The following AOAH variants were observed in gnomAD, a reference collection of about 807,000 sequenced individuals.
The protein encoded by AOAH is acyloxyacyl hydrolase.
In AOAH, 64 loss-of-function variants were observed where a neutral mutation model predicts 92.2. The observed-to-expected ratio is 0.69, with a 90% confidence interval of 0.57 to 0.86. The LOEUF (loss-of-function observed/expected upper bound fraction) is 0.86, where lower values mean the gene tolerates loss of function less well. AOAH is among the 40% of genes least tolerant of loss of function. The probability of loss-of-function intolerance (pLI) is 0.00; values close to 1 mark genes in which losing one functional copy is unlikely to be tolerated. For synonymous variants in AOAH, 263 were observed against 254.5 expected, an observed-to-expected ratio of 1.03 and a Z score of -0.32; for missense variants, 656 against 694.6, an observed-to-expected ratio of 0.94 and a Z score of 0.62.
intron 11 of AOAH, among the ~76,000 whole-genome samples, chr7:36,611,185 T>C (rs1791427275): frequency 6.6e-6 from 1 of 152,152 alleles, no homozygotes; most frequent in African/African-American, 2.4e-5. Flanking sequence ...GGAATGTTAA[T>C]CTAGAGAGAT....
intron 13 of AOAH, among the ~76,000 whole-genome samples, chr7:36,553,162 T>C (rs1786410780): frequency 3.0e-5 from 4 of 135,338 alleles, no homozygotes; most frequent in African/African-American, 1.1e-4. Context: ...ATGTTTCCCT[T>C]CCTGTGTCCA....
intron 11 of AOAH, among the ~76,000 whole-genome samples, chr7:36,603,124 G>A (rs1790726406): frequency 6.6e-6 from 1 of 152,104 alleles, no homozygotes; most frequent in South Asian, 2.1e-4. Context: ...TTGTGGTGGG[G>A]CCCTAGTATC....
At chr7:36,532,804 A>G (rs1317836500) in intron 16 of AOAH, among the ~76,000 whole-genome samples, 1 of 152,164 alleles carries the variant, frequency 6.6e-6, no homozygotes, top group Non-Finnish European at 1.5e-5. Context: ...TGAAACGCTC[A>G]GGTCTGACCG....
intron 15 of AOAH, among the ~76,000 whole-genome samples, chr7:36,540,975 T>C (rs1397639378): frequency 1.3e-5 from 2 of 152,268 alleles, no homozygotes; most frequent in Non-Finnish European, 2.9e-5. Context: ...TGGCCTGACT[T>C]ACACACAGTT....
At chr7:36,601,160 A>G (rs1790552671) in intron 11 of AOAH, among the ~76,000 whole-genome samples, 1 of 152,200 alleles carries the variant, frequency 6.6e-6, no homozygotes, top group African/African-American at 2.4e-5. Flanking sequence ...TGCCTCTGTC[A>G]TCTCAGGCTT....
At chr7:36,626,558 C>T (rs192535817) in intron 6 of AOAH, among the ~76,000 whole-genome samples, 109 of 152,272 alleles carry the variant, frequency 7.2e-4, no homozygotes, top group African/African-American at 2.5e-3. Flanking sequence ...GCAACAACTT[C>T]ATTTGGTAGC....
At chr7:36,639,263 C>T (rs1793732410) in intron 4 of AOAH, among the ~76,000 whole-genome samples, 3 of 152,186 alleles carry the variant, frequency 2.0e-5, no homozygotes, top group Admixed American at 2.0e-4. Context: ...GTCAGTGTAA[C>T]AGACACCAGA....
At chr7:36,714,065 T>C (rs934504139) in intron 1 of AOAH, among the ~76,000 whole-genome samples, 6 of 151,760 alleles carry the variant, frequency 4.0e-5, no homozygotes, top group African/African-American at 1.2e-4. Context: ...ATCAACAAAA[T>C]TGATAGACCG....
At chr7:36,719,943 A>G (rs1331484739) in intron 1 of AOAH, among the ~76,000 whole-genome samples, 2 of 151,800 alleles carry the variant, frequency 1.3e-5, no homozygotes, top group African/African-American at 4.8e-5. Context: ...CTTTATTAAA[A>G]AAAAAAAAAA....
chr7:36,517,938 CA>C (rs376291258), intron 20 of AOAH, among the ~76,000 whole-genome samples: 17,305 of 66,990 alleles, frequency 0.26, 1,587 homozygotes, highest in African/African-American at 0.42. Flanking sequence ...CACCCACACA[CA>C]CACACCCACA....
intron 1 of AOAH, among the ~76,000 whole-genome samples, chr7:36,719,222 A>AT (rs1799462882): frequency 6.6e-6 from 1 of 152,202 alleles, no homozygotes; most frequent in Admixed American, 6.5e-5. Context: ...TGTCCAATAA[A>AT]TGTTGGCAAT....
intron 20 of AOAH, chr7:36,514,536 G>C: frequency 6.5e-7 from 1 of 1,535,960 alleles, no homozygotes; most frequent in Non-Finnish European, 8.7e-7. Context: ...GTCCATTCTT[G>C]GTTGTCCAGT....
chr7:36,685,221 G>A (rs1481288158), intron 2 of AOAH, among the ~76,000 whole-genome samples: 1 of 151,954 alleles, frequency 6.6e-6, no homozygotes, highest in Non-Finnish European at 1.5e-5. Flanking sequence ...AGGAAGGGGT[G>A]GAAAGGAAAC....
At chr7:36,514,459 G>T in intron 20 of AOAH, 1 of 1,525,826 alleles carries the variant, frequency 6.6e-7, no homozygotes, top group Non-Finnish European at 8.8e-7. Flanking sequence ...GGCTTTCCCA[G>T]CCTGAGGCTT....
chr7:36,602,175 A>G lies in AOAH; in HGVS notation c.847-7745T>C, dbSNP rs1008731904. On this transcript the variant is annotated intron_variant, in intron 11 of 20. Transcript: ENST00000617537. ...TAAAAAATTCTAGCAAAATATGACA[A>G]GTAAATACAAAGAGGACAAAATGGC... Among the ~76,000 whole-genome samples, 9 of 152,210 alleles carry G rather than the reference A, an allele frequency of 5.9e-5. 1 individual carries two copies. In the East Asian group the frequency reaches 1.7e-3, roughly 29 times the overall value.
intron 13 of AOAH, among the ~76,000 whole-genome samples, chr7:36,557,208 T>C (rs1487162822): frequency 1.3e-5 from 2 of 152,218 alleles, no homozygotes; most frequent in Non-Finnish European, 2.9e-5. Context: ...AGCATTTGCT[T>C]ATCTGTAAAG....
intron 3 of AOAH, among the ~76,000 whole-genome samples, chr7:36,664,284 T>G (rs770994892): frequency 6.6e-6 from 1 of 152,202 alleles, no homozygotes; most frequent in Non-Finnish European, 1.5e-5. Flanking sequence ...TTTGAGTTCA[T>G]TTTTGTGAAG....
intron 1 of AOAH, among the ~76,000 whole-genome samples, chr7:36,705,173 A>G (rs1182786640): frequency 2.6e-5 from 4 of 151,616 alleles, no homozygotes; most frequent in East Asian, 1.9e-4. Flanking sequence ...TAGATACTCA[A>G]ACAGAAAGAG....
chr7:36,602,036 C>T (rs757293376), intron 11 of AOAH, among the ~76,000 whole-genome samples: 2 of 152,144 alleles, frequency 1.3e-5, no homozygotes, highest in Non-Finnish European at 2.9e-5. Flanking sequence ...GATGCTTATT[C>T]GATGCACATT....
Sources: gnomAD v4.1 joint callset for allele counts (sites outside exome capture counted in the v4.1 genomes callset) on GRCh38, gnomAD v4.1.1 for gene constraint, MANE v1.5 for transcripts, NCBI Gene and HGNC (gene_info 2026-07-23, HGNC 2026-07-21) for gene names.